Variants in MEP1A observed in about 807,000 individuals in gnomAD.
MEP1A encodes N-benzoyl-L-tyrosyl-P-amino-benzoic acid hydrolase subunit alpha.
MEP1A carries 68 observed loss-of-function variants against 84.5 expected under a neutral mutation model. The ratio of observed to expected loss-of-function variants is 0.80; its 90% CI spans 0.66 to 0.98. MEP1A has a LOEUF of 0.98. MEP1A is among the 50% of genes least tolerant of loss of function. The pLI, the probability that MEP1A is intolerant of heterozygous loss-of-function variation, is 0.00. For missense variants in MEP1A, 887 were observed against 919.9 expected, an observed-to-expected ratio of 0.96 and a Z score of 0.46; for synonymous variants, 337 against 336.8, an observed-to-expected ratio of 1.00 and a Z score of -0.01.
At chr6:46,832,213 C>T (rs910173288) in intron 10 of MEP1A, among the ~76,000 whole-genome samples, 3 of 152,136 alleles carry the variant, frequency 2.0e-5, no homozygotes, top group African/African-American at 7.2e-5. Flanking sequence ...CTCTTCAAGC[C>T]CAACTCTAGG....
chr6:46,818,513 T>C (rs1428820019), intron 6 of MEP1A, among the ~76,000 whole-genome samples: 2 of 152,152 alleles, frequency 1.3e-5, no homozygotes, highest in Non-Finnish European at 2.9e-5. Flanking sequence ...GCTTTGGGTT[T>C]GCTAATAGAG....
At chr6:46,798,147 T>C (rs1767108537) in intron 3 of MEP1A, among the ~76,000 whole-genome samples, 1 of 152,030 alleles carries the variant, frequency 6.6e-6, no homozygotes, top group South Asian at 2.1e-4. Context: ...TTTGTACTTT[T>C]AGTAGAGACA....
chr6:46,796,715 G>C (rs929149405), intron 3 of MEP1A, among the ~76,000 whole-genome samples: 5 of 152,190 alleles, frequency 3.3e-5, no homozygotes, highest in Non-Finnish European at 7.3e-5. Flanking sequence ...TCTTTGGGAG[G>C]TTCTCCCTGC....
intron 5 of MEP1A, among the ~76,000 whole-genome samples, chr6:46,802,051 A>C (rs1243937442): frequency 6.6e-6 from 1 of 151,948 alleles, no homozygotes; most frequent in Non-Finnish European, 1.5e-5. Context: ...CTCCAATTTC[A>C]AGACTGTTTA....
intron 5 of MEP1A, among the ~76,000 whole-genome samples, chr6:46,800,436 T>C (rs567482147): frequency 1.3e-5 from 2 of 152,302 alleles, no homozygotes; most frequent in African/African-American, 4.8e-5. Context: ...CTGATGCTAT[T>C]GGTCCCCACG....
chr6:46,837,661 CT>C (rs1326488602), intron 13 of MEP1A, among the ~76,000 whole-genome samples: 5 of 152,186 alleles, frequency 3.3e-5, no homozygotes, highest in Admixed American at 3.3e-4. Flanking sequence ...TCAGCCTCCA[CT>C]CAGCCAAACT....
intron 9 of MEP1A, among the ~76,000 whole-genome samples, 195 bp downstream of exon 9, chr6:46,826,698 A>G (rs1354441341): frequency 2.0e-5 from 3 of 152,248 alleles, no homozygotes; most frequent in Non-Finnish European, 4.4e-5. Flanking sequence ...CAAAAGAAAG[A>G]TGCATTTAAG....
intron 5 of MEP1A, among the ~76,000 whole-genome samples, chr6:46,807,550 A>AAGAG (rs1767360852): frequency 1.6e-5 from 1 of 60,862 alleles, no homozygotes; most frequent in African/African-American, 8.9e-5. Flanking sequence ...GAAAGAAAGA[A>AAGAG]AGAAAGAAAG....
At position 46,832,124 on chromosome 6, in the gene MEP1A, A is replaced by C. The variant is rs564282584; in HGVS notation, c.1145-950A>C. ...AAGTAGATATCTGGTTAAAAGACAC[A>C]GAAGAAGGAAAAAAGACACTCATCT... is the stretch of plus-strand genomic sequence containing the variant. On this transcript the variant is annotated intron_variant, in intron 10 of 13. Coordinates refer to ENST00000230588, the MANE Select transcript of MEP1A (RefSeq NM_005588.3). Among the ~76,000 whole-genome samples, 470 of 152,374 alleles carry C rather than the reference A, an allele frequency of 3.1e-3. 8 individuals carry two copies. The highest frequency in any genetic ancestry group is 0.011 in the African/African-American group (448 of 41,594).
At position 46,833,121 on chromosome 6, in the gene MEP1A, G is replaced by A; in HGVS notation, c.1192G>A (p.Glu398Lys). 6.5e-7 allele frequency: 1 copy of A among 1,546,816 alleles called. No homozygotes were observed. Among genetic ancestry groups the A allele is most frequent in the East Asian group, 2.3e-5 (1 of 44,436 alleles). Residue 398 changes from glutamate (E) to lysine (K), a missense_variant, in exon 11 of 14, where the codon GAA (glutamate) becomes AAA (lysine). Physicochemically the swap from Glu to Lys is moderately conservative, Grantham distance 56. Transcript: ENST00000230588. ...AATTGCCCATGTGGTGCTCAAAGAGGAACAGAAGTTTCGCTACCTTTTCCA... is the reference window on the plus strand; with the variant it reads ...AATTGCCCATGTGGTGCTCAAAGAGAAACAGAAGTTTCGCTACCTTTTCCA... ...WKIAHVVLKE[E>K]QKFRYLFQGT...
intron 11 of MEP1A, 93 bp downstream of exon 11, chr6:46,833,631 C>G: frequency 1.1e-6 from 1 of 927,700 alleles, no homozygotes; most frequent in South Asian, 1.5e-5. Flanking sequence ...ACGTTCTCCT[C>G]ACATTGTCTG....
chr6:46,844,378 GA>G (rs529378304), downstream of MEP1A, among the ~76,000 whole-genome samples: 66 of 152,152 alleles, frequency 4.3e-4, no homozygotes, highest in East Asian at 0.013. Context: ...AGCTAACAGT[GA>G]TATCAGAGTA....
intron 3 of MEP1A, among the ~76,000 whole-genome samples, chr6:46,795,877 G>A (rs1231692032): frequency 6.6e-6 from 1 of 152,114 alleles, no homozygotes; most frequent in Non-Finnish European, 1.5e-5. Context: ...TGGTCCACAG[G>A]CCAAAGTGAT....
At chr6:46,812,866 G>T (rs1367544080) in intron 6 of MEP1A, among the ~76,000 whole-genome samples, 1 of 151,992 alleles carries the variant, frequency 6.6e-6, no homozygotes, top group Non-Finnish European at 1.5e-5. Flanking sequence ...TATTTACTGA[G>T]ACTTGTTTTG....
intron 6 of MEP1A, among the ~76,000 whole-genome samples, chr6:46,809,867 A>G (rs111419854): frequency 1.5e-4 from 23 of 150,750 alleles, no homozygotes; most frequent in East Asian, 7.8e-4. Flanking sequence ...TTGTTGATTG[A>G]TGGGCATTTG....
Position 46,826,378 on chromosome 6 carries a change from A to C in MEP1A, c.803A>C (p.His268Pro). 1 of 1,607,908 alleles carries C rather than the reference A, an allele frequency of 6.2e-7. No homozygotes were observed. Among genetic ancestry groups the C allele is most frequent in the Non-Finnish European group, 8.5e-7 (1 of 1,177,224 alleles). ...GCCACAACTCACACTCTTTTGGACC[A>C]CTGTACTTTTGAGAAGGCAAACATC... ...NCTTTHTLLD[H>P]CTFEKANICG... The change falls in exon 9 of 14, where the codon CAC (histidine) becomes CCC (proline). Residue 268 changes from histidine (H) to proline (P), a missense_variant. Transcript: ENST00000230588.
At position 46,839,460 on chromosome 6, in the gene MEP1A, C is replaced by T. The variant is rs1768292063; in HGVS notation, c.*324C>T. On this transcript the variant is annotated 3_prime_UTR_variant, in exon 14 of 14. Transcript: ENST00000230588. ...TTGTTCTCATTGACCGTGCTGGCCC[C>T]AGTGCCTAGATGCATGGCTGGCACA... 2.2e-5 allele frequency: 4 copies of T among 184,508 alleles called. No individual in the cohort carries two copies. Among genetic ancestry groups the T allele is most frequent in the Admixed American group, 1.9e-4 (3 of 16,176 alleles). 11.4% of individuals were successfully genotyped at this position (184,508 alleles called of 1,614,324 possible).
At chr6:46,831,965 A>G (rs1768087452) in intron 10 of MEP1A, among the ~76,000 whole-genome samples, 1 of 152,164 alleles carries the variant, frequency 6.6e-6, no homozygotes, top group South Asian at 2.1e-4. Context: ...CTAACCACAC[A>G]GGCCATAATC....
Position 46,825,412 on chromosome 6 carries a change from CCT to C in MEP1A, c.698_699del (p.Pro233ArgfsTer3). 6.2e-7 allele frequency: 1 copy of C among 1,613,814 alleles called. No homozygotes were observed. Among genetic ancestry groups the C allele is most frequent in the African/African-American group, 1.3e-5 (1 of 74,978 alleles). Reference protein sequence around the residue: ...ASVPTITAKIPEFNSIIGQRL... With the variant: ...ASVPTITAKIXEFNSIIGQRL... The stretch of plus-strand genomic sequence containing the variant: ...TGTTCCCACCATCACAGCCAAGATC[CCT>C]GAGTTTAACTCCATTATCGGACAGC... On this transcript the variant is annotated frameshift_variant, in exon 8 of 14. Coordinates refer to ENST00000230588, the MANE Select transcript of MEP1A (RefSeq NM_005588.3). LOFTEE classifies it high-confidence loss of function.
Sources: gnomAD v4.1 joint callset for allele counts (sites outside exome capture counted in the v4.1 genomes callset) on GRCh38, gnomAD v4.1.1 for gene constraint, MANE v1.5 for transcripts, NCBI Gene and HGNC (gene_info 2026-07-23, HGNC 2026-07-21) for gene names.